ITPR1: variants seen among roughly 807,000 people sequenced by gnomAD.
The protein encoded by ITPR1 is inositol 1,4,5-trisphosphate receptor type 1, also known as inositol 1,4,5-trisphosphate-gated calcium channel ITPR1.
ITPR1 carries 96 observed loss-of-function variants against 318.4 expected under a neutral mutation model. That is an observed-to-expected ratio of 0.30 (90% CI 0.26 to 0.36). The LOEUF (loss-of-function observed/expected upper bound fraction) is 0.36. ITPR1 is among the 10% of genes least tolerant of loss of function. ITPR1 has a pLI of 1.00. For missense variants in ITPR1, 2,440 were observed against 3,460.2 expected (o/e 0.71, Z 7.40); for synonymous variants, 1,312 against 1,289.9 (o/e 1.02, Z -0.37).
At chr3:4,591,053 G>T (rs1284826282) in intron 4 of ITPR1, among the ~76,000 whole-genome samples, 1 of 152,146 alleles carries the variant, frequency 6.6e-6, no homozygotes, top group East Asian at 1.9e-4. Flanking sequence ...CAAAAGACAT[G>T]ATCTCATTCT....
chr3:4,598,537 G>A (rs2091028599), intron 4 of ITPR1, among the ~76,000 whole-genome samples: 1 of 152,072 alleles, frequency 6.6e-6, no homozygotes, highest in Admixed American at 6.5e-5. Context: ...CAGGAGGATT[G>A]CTTGAGCTCG....
chr3:4,498,413 G>A (rs1198143945), intron 2 of ITPR1, among the ~76,000 whole-genome samples: 1 of 152,132 alleles, frequency 6.6e-6, no homozygotes, highest in African/African-American at 2.4e-5. Flanking sequence ...GTGACATGTT[G>A]GAGGAAGGAG....
chr3:4,681,052 C>T (rs1266015196), intron 25 of ITPR1, among the ~76,000 whole-genome samples: 1 of 152,136 alleles, frequency 6.6e-6, no homozygotes, highest in East Asian at 1.9e-4. Flanking sequence ...AAGTTTTTCC[C>T]TGCCCAGGAA....
chr3:4,699,023 G>A (rs2094601546), intron 34 of ITPR1, among the ~76,000 whole-genome samples: 1 of 152,194 alleles, frequency 6.6e-6, no homozygotes, highest in Non-Finnish European at 1.5e-5. Context: ...GTATTGGTCA[G>A]ATTTTAATTG....
At chr3:4,677,778 T>C (rs2094213881) in intron 24 of ITPR1, among the ~76,000 whole-genome samples, 1 of 152,112 alleles carries the variant, frequency 6.6e-6, no homozygotes, top group Non-Finnish European at 1.5e-5. Flanking sequence ...GGAATGATCA[T>C]GTATACAGGG....
intron 2 of ITPR1, among the ~76,000 whole-genome samples, chr3:4,508,314 C>T (rs1343734854): frequency 6.6e-6 from 1 of 152,126 alleles, no homozygotes; most frequent in Admixed American, 6.5e-5. Context: ...GTCAATTTCT[C>T]ATTTCCTCCC....
At chr3:4,573,109 C>T (rs75490109) in intron 4 of ITPR1, among the ~76,000 whole-genome samples, 1,755 of 152,194 alleles carry the variant, frequency 0.012, 34 homozygotes, top group African/African-American at 0.04. Flanking sequence ...ATACCAGAAC[C>T]GGAATTACTA....
chr3:4,672,326 T>G (rs549440555), intron 20 of ITPR1, among the ~76,000 whole-genome samples: 1 of 152,240 alleles, frequency 6.6e-6, no homozygotes, highest in African/African-American at 2.4e-5. Context: ...CTTTTTAATT[T>G]TTGGTAATTT....
chr3:4,711,848 G>T lies in ITPR1; in HGVS notation c.5083G>T (p.Asp1695Tyr). Residue 1695 changes from aspartate to tyrosine, a missense_variant, in exon 39 of 62, where the codon GAT becomes TAT. Physicochemically the swap from Asp to Tyr is radical, Grantham distance 160 (BLOSUM62 -3). This residue lies in a region of ITPR1 where 166 missense variants were observed against 143.7 expected (regional missense o/e 1.16). Coordinates refer to ENST00000649015, the MANE Select transcript of ITPR1 (RefSeq NM_001378452.1). Reference protein sequence around the residue: ...LQTLREMMTKDRGYGEKLISI... With the variant: ...LQTLREMMTKYRGYGEKLISI... Reference sequence around the variant, plus strand: ...GACCCTGAGGGAAATGATGACCAAAGATAGAGGCTATGGAGAAAAGGTACT... The same window carrying T: ...GACCCTGAGGGAAATGATGACCAAATATAGAGGCTATGGAGAAAAGGTACT... The T allele has an allele frequency of 1.3e-6, 2 of 1,520,842 alleles. No individual in the cohort carries two copies. The highest frequency in any genetic ancestry group is 1.8e-6 in the Non-Finnish European group (2 of 1,124,056). The allele number at this position is 1,520,842 out of a possible 1,614,324, so 94.2% of individuals were successfully genotyped here.
chr3:4,494,838 T>C (rs2080427349), intron 2 of ITPR1, among the ~76,000 whole-genome samples: 1 of 152,238 alleles, frequency 6.6e-6, no homozygotes, highest in African/African-American at 2.4e-5. Context: ...ATACAGTGCA[T>C]TTCATATGCC....
At chr3:4,538,358 C>G (rs948055013) in intron 4 of ITPR1, among the ~76,000 whole-genome samples, 4 of 152,118 alleles carry the variant, frequency 2.6e-5, no homozygotes, top group African/African-American at 9.7e-5. Context: ...TACCATCTCA[C>G]GCCAGTCAGA....
intron 4 of ITPR1, among the ~76,000 whole-genome samples, chr3:4,578,665 C>T (rs2088954857): frequency 6.6e-6 from 1 of 152,170 alleles, no homozygotes; most frequent in Admixed American, 6.5e-5. Context: ...GCTAAGTGCT[C>T]CTCCAACCAA....
At chr3:4,588,022 C>A (rs1404716758) in intron 4 of ITPR1, among the ~76,000 whole-genome samples, 7 of 152,158 alleles carry the variant, frequency 4.6e-5, no homozygotes, top group Non-Finnish European at 1.0e-4. Context: ...ATTTTCCCCC[C>A]TCTTGGTATG....
chr3:4,533,958 T>C lies in ITPR1; in HGVS notation c.163+12864T>C, dbSNP rs906881981. 6.6e-5 allele frequency among the ~76,000 whole-genome samples: 10 copies of C among 152,294 alleles called. No individual in the cohort carries two copies. In the South Asian group the frequency reaches 1.7e-3, roughly 25 times the overall value. On this transcript the variant is annotated intron_variant, in intron 4 of 61. Transcript: ENST00000649015. The stretch of plus-strand genomic sequence containing the variant: ...ACTCTTGACAGACAGGAGGAAGTTA[T>C]TGCCAATCTGCTCTTTCCCAAAAGC...
intron 52 of ITPR1, among the ~76,000 whole-genome samples, chr3:4,791,907 T>G (rs533960138): frequency 1.3e-5 from 2 of 152,320 alleles, no homozygotes; most frequent in South Asian, 4.1e-4. Context: ...TATAACAAAT[T>G]ACCACAAAGC....
intron 46 of ITPR1, among the ~76,000 whole-genome samples, chr3:4,772,847 C>A (rs1366129957): frequency 6.6e-6 from 1 of 152,148 alleles, no homozygotes; most frequent in Non-Finnish European, 1.5e-5. Flanking sequence ...CAGATTCTGT[C>A]CAGACACTCT....
intron 4 of ITPR1, among the ~76,000 whole-genome samples, chr3:4,608,364 C>A (rs2091847771): frequency 6.6e-6 from 1 of 152,054 alleles, no homozygotes; most frequent in Admixed American, 6.5e-5. Context: ...AGTAGGATTC[C>A]AAGAAGTACA....
chr3:4,557,223 G>A (rs986029506), intron 4 of ITPR1, among the ~76,000 whole-genome samples: 4 of 152,168 alleles, frequency 2.6e-5, no homozygotes, highest in African/African-American at 9.7e-5. Context: ...CACAATCATG[G>A]CTGAAGGTGA....
chr3:4,836,674 G>A (rs1180734633), intron 60 of ITPR1, 100 bp from the exon 61 acceptor site: 8 of 1,171,472 alleles, frequency 6.8e-6, no homozygotes, highest in African/African-American at 1.6e-5. Flanking sequence ...CCTAATGAGA[G>A]TTAGGAAACA....
Sources: gnomAD v4.1 joint callset for allele counts (sites outside exome capture counted in the v4.1 genomes callset) on GRCh38, gnomAD v4.1.1 for gene constraint, gnomAD v4.1.1 regional missense constraint, MANE v1.5 for transcripts, NCBI Gene and HGNC (gene_info 2026-07-23, HGNC 2026-07-21) for gene names.